Variants in MCM10 observed in about 807,000 individuals in gnomAD.
MCM10 encodes the protein protein MCM10 homolog.
In MCM10, 91 loss-of-function variants were observed where a neutral mutation model predicts 109.9. The ratio of observed to expected loss-of-function variants is 0.83; its 90% CI spans 0.70 to 0.99. The LOEUF is 0.99. MCM10 is among the 50% of genes least tolerant of loss of function. The pLI is 0.00. For missense variants in MCM10, 1,077 were observed against 1,061.2 expected, an observed-to-expected ratio of 1.01 and a Z score of -0.21; for synonymous variants, 380 against 387.2, an observed-to-expected ratio of 0.98 and a Z score of 0.22.
At position 13,175,490 on chromosome 10, in the gene MCM10, T is replaced by A. The variant is rs1304497043; in HGVS notation, c.593-20T>A. The A allele has an allele frequency of 1.2e-6, 2 of 1,610,668 alleles. No individual in the cohort carries two copies. Among genetic ancestry groups the A allele is most frequent in the Admixed American group, 1.7e-5 (1 of 59,964 alleles). On this transcript the variant is annotated intron_variant, in intron 5 of 19. Transcript: ENST00000378714. ...ATTATCAGTGTGGTTGCCTTTTCAT[T>A]AATTGTGTTAATTTTCTAGATCCCA...
In MCM10 at chr10:13,171,032, G is replaced by C. The variant is rs1018504619; in HGVS notation, c.118G>C (p.Asp40His). 6.2e-7 allele frequency: 1 copy of C among 1,614,204 alleles called. No homozygotes were observed. Among genetic ancestry groups the C allele is most frequent in the South Asian group, 1.1e-5 (1 of 91,072 alleles). Reference protein sequence around the residue: ...NFLTRENGEPDAFDELFDADG... With the variant: ...NFLTRENGEPHAFDELFDADG... ...CTTGACGCGGGAAAATGGCGAGCCC[G>C]ACGCATTTGATGAGCTCTTTGATGC... is the stretch of plus-strand genomic sequence containing the variant. The change falls in exon 3 of 20, where the codon GAC (aspartate) becomes CAC (histidine). Residue 40 changes from aspartate (D) to histidine (H), a missense_variant. Coordinates refer to ENST00000378714, the MANE Select transcript of MCM10 (RefSeq NM_018518.5).
At position 13,182,922 on chromosome 10, in the gene MCM10, ATTTG is replaced by A; in HGVS notation, c.931-8_931-5del. The stretch of plus-strand genomic sequence containing the variant: ...CAGTTCAAAATTATAAAAAATAACT[ATTTG>A]TTCCAGGGAAAAACCTTCAGCATAT... On this transcript the variant is annotated splice_polypyrimidine_tract_variant and splice_region_variant and intron_variant, in intron 7 of 19. Transcript: ENST00000378714. The surrounding 1 kb of genome is among the most constrained non-coding windows in gnomAD (Gnocchi z 4.2). 1 of 1,607,072 alleles carries A rather than the reference ATTTG, an allele frequency of 6.2e-7. No individual in the cohort carries two copies. Among genetic ancestry groups the A allele is most frequent in the Non-Finnish European group, 8.5e-7 (1 of 1,175,898 alleles).
At chr10:13,162,936 G>A (rs912019892) in intron 1 of MCM10, among the ~76,000 whole-genome samples, 7 of 152,148 alleles carry the variant, frequency 4.6e-5, no homozygotes, top group South Asian at 2.1e-4. Flanking sequence ...AAAATTAGCC[G>A]GGCGTGGTGG....
intron 11 of MCM10, 45 bp from the exon 12 acceptor site, chr10:13,192,210 C>G (rs775707116): frequency 2.3e-6 from 3 of 1,318,870 alleles, no homozygotes; most frequent in Admixed American, 3.6e-5. Flanking sequence ...TGACCTCAAA[C>G]CATCTGAATG....
At position 13,166,653 on chromosome 10, in the gene MCM10, C is replaced by A. The variant is rs11594276; in HGVS notation, c.7+2444C>A. Among the ~76,000 whole-genome samples, 222 of 45,500 alleles carry A rather than the reference C, an allele frequency of 4.9e-3. 6 individuals are homozygous for A. The highest frequency in any genetic ancestry group is 0.012 in the Middle Eastern group (1 of 86). 29.8% of individuals were successfully genotyped at this position (45,500 alleles called of 152,430 possible). A position where few individuals can be genotyped will look rare whatever the true frequency, so the allele number is the denominator to read the frequency against. On this transcript the variant is annotated intron_variant, in intron 2 of 19. Coordinates refer to ENST00000378714, the MANE Select transcript of MCM10 (RefSeq NM_018518.5). Reference sequence around the variant, plus strand: ...TCTGTCTCAAAAAAAAAAAAAAATACATACATACATATATATATATATATA... The same window carrying A: ...TCTGTCTCAAAAAAAAAAAAAAATAAATACATACATATATATATATATATA...
intron 5 of MCM10, among the ~76,000 whole-genome samples, chr10:13,175,162 A>G (rs1349256325): frequency 6.6e-6 from 1 of 150,906 alleles, no homozygotes; most frequent in Non-Finnish European, 1.5e-5. Context: ...GTGCGTGTGC[A>G]ATGTCTCACG....
At position 13,204,365 on chromosome 10, in the gene MCM10, G is replaced by A; in HGVS notation, c.2498+1G>A. 1 of 1,613,960 alleles carries A rather than the reference G, an allele frequency of 6.2e-7. No homozygotes were observed. Among genetic ancestry groups the A allele is most frequent in the Non-Finnish European group, 8.5e-7 (1 of 1,179,888 alleles). On this transcript the variant is annotated splice_donor_variant, in intron 18 of 19. Transcript: ENST00000378714. LOFTEE classifies it high-confidence loss of function. ...ACAGACTCCCGAACAAGCACTGCAG[G>A]TATGAGAATCACCTGGAGCTCTTTG...
At chr10:13,192,006 A>G (rs936009229) in intron 11 of MCM10, among the ~76,000 whole-genome samples, 3 of 152,244 alleles carry the variant, frequency 2.0e-5, no homozygotes, top group Non-Finnish European at 4.4e-5. Context: ...GAAACAGGGT[A>G]TGGAATGACC....
intron 1 of MCM10, among the ~76,000 whole-genome samples, chr10:13,162,093 A>T (rs1208113254): frequency 6.6e-6 from 1 of 152,174 alleles, no homozygotes; most frequent in Non-Finnish European, 1.5e-5. Context: ...AAAGATGAGT[A>T]AGTGGAGACC....
chr10:13,191,358 A>C lies in MCM10; in HGVS notation c.1475A>C (p.Lys492Thr), dbSNP rs1286299299. Residue 492 changes from lysine (K) to threonine (T), a missense_variant, in exon 11 of 20, where the codon AAG becomes ACG. By Grantham distance (78) the Lys-to-Thr change is moderately conservative. Transcript: ENST00000378714. ...ACCACTCTGAGTAATCTGGTTGTTA[A>C]GGGCACAAACTTGATCATCCAGGAA... ...IQTTLSNLVV[K>T]GTNLIIQETR... is the part of the protein sequence containing the mutation. The C allele has an allele frequency of 6.2e-7, 1 of 1,614,144 alleles. No individual in the cohort carries two copies. Among genetic ancestry groups the C allele is most frequent in the South Asian group, 1.1e-5 (1 of 91,080 alleles).
In MCM10 at chr10:13,175,529, A is replaced by G. The variant is rs1228929309; in HGVS notation, c.612A>G (p.Ser204=). The G allele has an allele frequency of 6.2e-7, 1 of 1,613,912 alleles. No homozygotes were observed. Among genetic ancestry groups the G allele is most frequent in the African/African-American group, 1.3e-5 (1 of 74,894 alleles). Residue 204 remains serine, a synonymous_variant, in exon 6 of 20, where the codon TCA becomes TCG. Transcript: ENST00000378714. Reference sequence around the variant, plus strand: ...TTCTAGATCCCAAAAGCTCATCTTCAAGGATGACAAGTGCACCCTCCCAAC... The same window carrying G: ...TTCTAGATCCCAAAAGCTCATCTTCGAGGATGACAAGTGCACCCTCCCAAC... The part of the protein sequence containing the change: ...ASPPDPKSSS[S]RMTSAPSQPL...
At chr10:13,207,453 T>A (rs1588482464) in intron 18 of MCM10, among the ~76,000 whole-genome samples, 1 of 151,950 alleles carries the variant, frequency 6.6e-6, no homozygotes. Flanking sequence ...GGTTGGGAGG[T>A]TGTAAGGGCT....
intron 18 of MCM10, chr10:13,204,608 GAATA>G (rs1286686634): frequency 2.4e-6 from 1 of 414,186 alleles, no homozygotes; most frequent in Non-Finnish European, 4.3e-6. Flanking sequence ...AGTGTTTGTT[GAATA>G]AATAAGTGAA....
In MCM10 at chr10:13,209,467, G is replaced by T. The variant is rs1393143023; in HGVS notation, c.*157G>T. On this transcript the variant is annotated 3_prime_UTR_variant, in exon 20 of 20. Coordinates refer to ENST00000378714, the MANE Select transcript of MCM10 (RefSeq NM_018518.5). ...TTTGCCTGCTTACTTTCTGCCATTG[G>T]GTTGGTTTGATACCACATTTAACAT... is the stretch of plus-strand genomic sequence containing the variant. The T allele has an allele frequency of 6.3e-6, 4 of 637,272 alleles. No homozygotes were observed. In the Admixed American group the frequency reaches 1.2e-4, roughly 18 times the overall value. The allele number at this position is 637,272 out of a possible 1,614,324, so 39.5% of individuals were successfully genotyped here.
intron 2 of MCM10, 86 bp from the exon 3 acceptor site, chr10:13,170,836 C>A (rs946569643): frequency 1.7e-6 from 2 of 1,187,940 alleles, no homozygotes; most frequent in Non-Finnish European, 2.4e-6. Flanking sequence ...TTTCTCTTAC[C>A]CCCATGGGGT....
chr10:13,209,208 A>T lies in MCM10; in HGVS notation c.2542-19A>T. 6.2e-7 allele frequency: 1 copy of T among 1,610,544 alleles called. No individual in the cohort carries two copies. On this transcript the variant is annotated intron_variant, in intron 19 of 19. Coordinates refer to ENST00000378714, the MANE Select transcript of MCM10 (RefSeq NM_018518.5). ...ATAATGTGGAACCATCTCCTATTAA[A>T]ATATTTTCATTTTTCTAGGAAAAGA... is the stretch of plus-strand genomic sequence containing the variant.
chr10:13,208,016 T>A (rs562196730), intron 18 of MCM10, among the ~76,000 whole-genome samples: 6 of 150,712 alleles, frequency 4.0e-5, no homozygotes, highest in African/African-American at 1.5e-4. Flanking sequence ...CAGAGTAAAC[T>A]TCATAGGAAA....
intron 11 of MCM10, 29 bp from the exon 12 acceptor site, chr10:13,192,226 C>T: frequency 6.9e-7 from 1 of 1,450,308 alleles, no homozygotes; most frequent in Non-Finnish European, 9.7e-7. Flanking sequence ...GAATGTGAAT[C>T]CTCTAAAGCT....
intron 5 of MCM10, among the ~76,000 whole-genome samples, chr10:13,173,354 C>G (rs1834100381): frequency 6.6e-6 from 1 of 151,952 alleles, no homozygotes; most frequent in Non-Finnish European, 1.5e-5. Flanking sequence ...TGAGGTTATT[C>G]CCTTAGAAAA....
Sources: allele counts gnomAD v4.1 joint callset (sites outside exome capture counted in the v4.1 genomes callset), GRCh38; gene constraint gnomAD v4.1.1; non-coding constraint Gnocchi (gnomAD v3.1); transcripts MANE v1.5; gene names NCBI Gene and HGNC (gene_info 2026-07-23, HGNC 2026-07-21).